ZNF578: variants seen among roughly 807,000 people sequenced by gnomAD.
The protein encoded by ZNF578 is Putative chemokine-related protein B42.
A neutral mutation model predicts 8.3 loss-of-function variants in ZNF578; 8 were observed. The observed-to-expected ratio is 0.96, with a 90% CI of 0.56 to 1.74. ZNF578 has a LOEUF of 1.74. Ranked by LOEUF, ZNF578 falls within the 40% of genes most tolerant of loss-of-function variation. ZNF578 has a pLI of 0.00. For synonymous variants in ZNF578, 206 were observed against 232.2 expected, an observed-to-expected ratio of 0.89 and a Z score of 1.03; for missense variants, 726 against 707.5, an observed-to-expected ratio of 1.03 and a Z score of -0.30.
intron 3 of ZNF578, among the ~76,000 whole-genome samples, chr19:52,499,968 G>A (rs1280739840): frequency 6.6e-6 from 1 of 152,038 alleles, no homozygotes; most frequent in South Asian, 2.1e-4. Flanking sequence ...CCCACGGGCC[G>A]CTTTCCTTTT....
rs1196260461 is a variant in ZNF578, at chr19:52,512,732, A to G, written c.*578A>G. 6.6e-6 allele frequency among the ~76,000 whole-genome samples: 1 copy of G among 152,228 alleles called. No homozygotes were observed. The highest frequency in any genetic ancestry group is 1.5e-5 in the Non-Finnish European group (1 of 68,040). Reference sequence around the variant, plus strand: ...AGTCCGAGGTCACTCCTTGCAGAACATCAGAAAATTCATTTTTGAGATAAC... The same window carrying G: ...AGTCCGAGGTCACTCCTTGCAGAACGTCAGAAAATTCATTTTTGAGATAAC... On this transcript the variant is annotated 3_prime_UTR_variant, in exon 6 of 6. Coordinates refer to ENST00000421239, the MANE Select transcript of ZNF578 (RefSeq NM_001099694.2).
At chr19:52,474,387 A>G (rs2059301588) in intron 2 of ZNF578, 1 of 292,986 alleles carries the variant, frequency 3.4e-6, no homozygotes, top group Non-Finnish European at 7.0e-6. Context: ...AAGACCTTGT[A>G]ACATTCATTA....
chr19:52,504,563 A>G, intron 4 of ZNF578, 92 bp from the exon 5 acceptor site: 1 of 1,593,028 alleles, frequency 6.3e-7, no homozygotes, highest in African/African-American at 1.4e-5. Flanking sequence ...GTCTTTGATC[A>G]AAGAAATACT....
In ZNF578 at chr19:52,503,239, A is replaced by G. The variant is rs138119905; in HGVS notation, c.63+1331A>G. Among the ~76,000 whole-genome samples the G allele has an allele frequency of 2.1e-4, 32 of 152,294 alleles. No homozygotes were observed. In the East Asian group the frequency reaches 4.2e-3, roughly 20 times the overall value. On this transcript the variant is annotated intron_variant, in intron 4 of 5. Transcript: ENST00000421239. ...TTTGTTGTCCAGGCTGGAGTGCAGT[A>G]ATGCAATCATAGCTTGCTACAGCCT...
intron 2 of ZNF578, among the ~76,000 whole-genome samples, chr19:52,460,910 A>G (rs1480426724): frequency 6.6e-6 from 1 of 152,044 alleles, no homozygotes; most frequent in Non-Finnish European, 1.5e-5. Context: ...TCTTTTTTAA[A>G]ACCACCGTTG....
chr19:52,469,298 C>T (rs1224761216), intron 2 of ZNF578, among the ~76,000 whole-genome samples: 1 of 151,538 alleles, frequency 6.6e-6, no homozygotes, highest in Non-Finnish European at 1.5e-5. Context: ...GCAGCTGGGA[C>T]TACAGGTGTG....
Position 52,479,127 on chromosome 19 carries a change from A to G in ZNF578, c.-121-12197A>G, listed in dbSNP as rs182704604. On this transcript the variant is annotated intron_variant, in intron 2 of 5. Transcript: ENST00000421239. ...GGTAATCTCATGCAGAAGCTTAGTTAATGTCTGACAACTAACCTGAGCCAC... is the reference window on the plus strand; with the variant it reads ...GGTAATCTCATGCAGAAGCTTAGTTGATGTCTGACAACTAACCTGAGCCAC... Among the ~76,000 whole-genome samples the G allele has an allele frequency of 6.9e-4, 103 of 149,022 alleles. 1 individual carries two copies. In the South Asian group the frequency reaches 0.015, roughly 21 times the overall value.
chr19:52,494,486 G>GAC (rs1468333679), intron 3 of ZNF578, among the ~76,000 whole-genome samples: 2 of 152,190 alleles, frequency 1.3e-5, no homozygotes, highest in Non-Finnish European at 2.9e-5. Flanking sequence ...AAAAGAGCAA[G>GAC]ACCCTGTCTT....
chr19:52,512,336 A>C lies in ZNF578; in HGVS notation c.*182A>C. On this transcript the variant is annotated 3_prime_UTR_variant, in exon 6 of 6. Coordinates refer to ENST00000421239, the MANE Select transcript of ZNF578 (RefSeq NM_001099694.2). ...CATCAGGCCATTCATGGTGTAGGGAAACTTGACTAATGTAATGATTGTCAC... is the reference window on the plus strand; with the variant it reads ...CATCAGGCCATTCATGGTGTAGGGACACTTGACTAATGTAATGATTGTCAC... 1.3e-6 allele frequency: 2 copies of C among 1,529,372 alleles called. No individual in the cohort carries two copies. Among genetic ancestry groups the C allele is most frequent in the South Asian group, 2.2e-5 (2 of 89,116 alleles). 94.7% of individuals were successfully genotyped at this position (1,529,372 alleles called of 1,614,324 possible). A position where few individuals can be genotyped will look rare whatever the true frequency, so the allele number is the denominator to read the frequency against.
In ZNF578 at chr19:52,516,362, A is replaced by G. The variant is rs1218214242; in HGVS notation, c.*4208A>G. Among the ~76,000 whole-genome samples the G allele has an allele frequency of 6.6e-6, 1 of 152,070 alleles. No individual in the cohort carries two copies. The highest frequency in any genetic ancestry group is 2.4e-5 in the African/African-American group (1 of 41,410). On this transcript the variant is annotated 3_prime_UTR_variant, in exon 6 of 6. Coordinates refer to ENST00000421239, the MANE Select transcript of ZNF578 (RefSeq NM_001099694.2). ...GGAGCTCATTCCAGCCCAGTTCCCA[A>G]CTGCTGCAGCATGTGTGTGTGGGCT... is the stretch of plus-strand genomic sequence containing the variant.
At chr19:52,471,960 A>C (rs1245144861) in intron 2 of ZNF578, among the ~76,000 whole-genome samples, 1 of 152,204 alleles carries the variant, frequency 6.6e-6, no homozygotes, top group African/African-American at 2.4e-5. Context: ...AAAAGACATT[A>C]TTACAGTATT....
chr19:52,474,641 A>G, intron 2 of ZNF578: 1 of 330,710 alleles, frequency 3.0e-6, no homozygotes, highest in Non-Finnish European at 6.2e-6. Context: ...TTACATTTGT[A>G]AGGTTTCTCT....
chr19:52,482,194 C>T (rs1006668070), intron 2 of ZNF578, among the ~76,000 whole-genome samples: 2 of 152,156 alleles, frequency 1.3e-5, no homozygotes, highest in East Asian at 1.9e-4. Flanking sequence ...CCACAACGCC[C>T]GGCTAATTTT....
chr19:52,459,650 C>CACATAT (rs1340389548), intron 2 of ZNF578, among the ~76,000 whole-genome samples: 4 of 84,826 alleles, frequency 4.7e-5, no homozygotes, highest in African/African-American at 1.5e-4. Context: ...CACACACACA[C>CACATAT]ATATATATAC....
In ZNF578 at chr19:52,516,031, G is replaced by A. The variant is rs1470807810; in HGVS notation, c.*3877G>A. ...CCTGCCAGTGTCCAGCCTCCTCCTG[G>A]CAGCTTGCCCTCATCTCATGACTCC... is the stretch of plus-strand genomic sequence containing the variant. On this transcript the variant is annotated 3_prime_UTR_variant, in exon 6 of 6. Transcript: ENST00000421239. 6.6e-6 allele frequency among the ~76,000 whole-genome samples: 1 copy of A among 151,996 alleles called. No individual in the cohort carries two copies.
At chr19:52,482,127 A>G (rs917213574) in intron 2 of ZNF578, among the ~76,000 whole-genome samples, 2 of 152,164 alleles carry the variant, frequency 1.3e-5, no homozygotes, top group African/African-American at 4.8e-5. Flanking sequence ...TCTGTTTCCC[A>G]GCTTCAAGCA....
At chr19:52,495,355 C>T (rs549475986) in intron 3 of ZNF578, among the ~76,000 whole-genome samples, 1 of 146,316 alleles carries the variant, frequency 6.8e-6, no homozygotes, top group African/African-American at 2.5e-5. Context: ...GAGGCCGAGG[C>T]AGGAGAATCA....
chr19:52,493,418 GA>G (rs1276453852), intron 3 of ZNF578, among the ~76,000 whole-genome samples: 8 of 152,282 alleles, frequency 5.3e-5, no homozygotes, highest in Non-Finnish European at 7.3e-5. Flanking sequence ...TTTGACCCGG[GA>G]TATTCTTGCC....
chr19:52,489,208 C>T (rs1406950780), intron 2 of ZNF578, among the ~76,000 whole-genome samples: 1 of 150,828 alleles, frequency 6.6e-6, no homozygotes, highest in Non-Finnish European at 1.5e-5. Context: ...AATCATGCCA[C>T]AATAGTGCAG....
Sources: allele counts gnomAD v4.1 joint callset (sites outside exome capture counted in the v4.1 genomes callset), GRCh38; gene constraint gnomAD v4.1.1; transcripts MANE v1.5; gene names NCBI Gene and HGNC (gene_info 2026-07-23, HGNC 2026-07-21).